The following C11orf65 variants were observed in gnomAD, a reference collection of about 807,000 sequenced individuals.
The protein encoded by C11orf65 is protein MFI.
C11orf65 carries 38 observed loss-of-function variants against 35.3 expected under a neutral mutation model. The observed-to-expected ratio is 1.08, with a 90% CI of 0.83 to 1.41. The LOEUF (loss-of-function observed/expected upper bound fraction) is 1.41, where lower values mean the gene tolerates loss of function less well. C11orf65 is among the 40% of genes most tolerant of loss of function. The probability of loss-of-function intolerance (pLI) is 0.00; values close to 1 mark genes in which losing one functional copy is unlikely to be tolerated. For synonymous variants in C11orf65, 105 were observed against 114.4 expected, an observed-to-expected ratio of 0.92 and a Z score of 0.53; for missense variants, 370 against 367.1, an observed-to-expected ratio of 1.01 and a Z score of -0.06.
At position 108,375,726 on chromosome 11, in the gene C11orf65, G is replaced by C. The variant is rs549296658; in HGVS notation, c.226+17482C>G. Reference sequence around the variant, plus strand: ...AAGAGTCAAGACCCGTCAGTGTGCTGTATTCAGGAAACCCATCTCACGTGC... The same window carrying C: ...AAGAGTCAAGACCCGTCAGTGTGCTCTATTCAGGAAACCCATCTCACGTGC... On this transcript the variant is annotated intron_variant, in intron 2 of 3. Transcript: ENST00000524755. Among the ~76,000 whole-genome samples the C allele has an allele frequency of 9.0e-4, 137 of 152,254 alleles. 1 individual carries two copies. The highest frequency in any genetic ancestry group is 2.0e-3 in the African/African-American group (85 of 41,546).
At chr11:108,358,753 T>G (rs1209741388) in intron 2 of C11orf65, among the ~76,000 whole-genome samples, 2 of 147,442 alleles carry the variant, frequency 1.4e-5, no homozygotes, top group African/African-American at 5.0e-5. Context: ...GCTGAGAGAT[T>G]TTGTCACCAC....
downstream of C11orf65, chr11:108,330,095 G>T: frequency 9.7e-7 from 1 of 1,030,968 alleles, no homozygotes; most frequent in Non-Finnish European, 1.5e-6. Flanking sequence ...TTAGAAGTTT[G>T]CTTTTTTCCC....
downstream of C11orf65, chr11:108,327,842 G>A: frequency 9.5e-7 from 1 of 1,055,506 alleles, no homozygotes; most frequent in Non-Finnish European, 1.4e-6. Context: ...TATTTCCAAA[G>A]CAAATAAAAG....
rs774118570 is a variant in C11orf65 at position 108,332,840 on chromosome 11, C to A, written c.300-1273G>T. The A allele has an allele frequency of 6.2e-7, 1 of 1,613,120 alleles. No individual in the cohort carries two copies. ...TCAGATGGTCAGAAGTGTTGAGGCACTTTGTGATGCTTATATTATATTAGC... is the reference window on the plus strand; with the variant it reads ...TCAGATGGTCAGAAGTGTTGAGGCAATTTGTGATGCTTATATTATATTAGC... On this transcript the variant is annotated intron_variant, in intron 3 of 3. Transcript: ENST00000524755.
chr11:108,364,978 A>C, intron 2 of C11orf65: 1 of 1,339,344 alleles, frequency 7.5e-7, no homozygotes, highest in Non-Finnish European at 1.0e-6. Context: ...TCCCCCATCA[A>C]CTACCATGTG....
chr11:108,368,682 A>G (rs1015132568), intron 2 of C11orf65: 1 of 217,586 alleles, frequency 4.6e-6, no homozygotes. Context: ...GAAGCTAATA[A>G]ATTATAGACT....
chr11:108,375,089 C>G (rs2091686175), intron 2 of C11orf65, among the ~76,000 whole-genome samples: 2 of 152,046 alleles, frequency 1.3e-5, no homozygotes, highest in Admixed American at 1.3e-4. Flanking sequence ...GAGAACTTCC[C>G]CAATCTAGCA....
chr11:108,315,789 C>G, intron 6 of C11orf65: 1 of 1,547,762 alleles, frequency 6.5e-7, no homozygotes, highest in South Asian at 1.1e-5. Context: ...GATTTTTTTT[C>G]CTTCTTCAAT....
upstream of C11orf65, among the ~76,000 whole-genome samples, chr11:108,468,031 C>T (rs987423795): frequency 3.3e-5 from 5 of 152,028 alleles, no homozygotes; most frequent in Non-Finnish European, 5.9e-5. Flanking sequence ...AGGGTTTCTC[C>T]ATGTTGTCCA....
At chr11:108,425,174 A>G (rs986856545) in intron 3 of C11orf65, among the ~76,000 whole-genome samples, 2 of 152,028 alleles carry the variant, frequency 1.3e-5, no homozygotes, top group African/African-American at 2.4e-5. Flanking sequence ...ACTGAAGGAG[A>G]TAAGAGACAC....
chr11:108,386,236 C>T (rs944030956), intron 7 of C11orf65, among the ~76,000 whole-genome samples: 1 of 152,144 alleles, frequency 6.6e-6, no homozygotes, highest in African/African-American at 2.4e-5. Flanking sequence ...TCTAGCATGC[C>T]CCCTCATTTT....
chr11:108,417,977 A>G (rs1465099129), intron 3 of C11orf65, among the ~76,000 whole-genome samples: 5 of 152,190 alleles, frequency 3.3e-5, no homozygotes, highest in African/African-American at 4.8e-5. Flanking sequence ...TAAAAAAAAA[A>G]AAAGAGACAG....
At position 108,383,168 on chromosome 11, in the gene C11orf65, C is replaced by A; in HGVS notation, c.795G>T (p.Arg265Ser). ...ATATGTTTTTCTGTGCTTGATTAAA[C>A]CTGAATCCTAAAGAGAAGTGACAAA... is the stretch of plus-strand genomic sequence containing the variant. ...SNSSANFKGF[R>S]FNQAQKNIYN... The change falls in exon 9 of 9, where the codon AGG (arginine) becomes AGT (serine). Residue 265 changes from arginine to serine, a missense_variant. Physicochemically the swap from Arg to Ser is moderately radical, Grantham distance 110 (BLOSUM62 -1). Coordinates refer to ENST00000393084, the MANE Select transcript of C11orf65 (RefSeq NM_152587.5). The A allele has an allele frequency of 6.3e-7, 1 of 1,586,372 alleles. No individual in the cohort carries two copies. Among genetic ancestry groups the A allele is most frequent in the South Asian group, 1.2e-5 (1 of 85,984 alleles).
chr11:108,359,765 C>T (rs1183661896), intron 2 of C11orf65, among the ~76,000 whole-genome samples: 1 of 151,946 alleles, frequency 6.6e-6, no homozygotes, highest in South Asian at 2.1e-4. Context: ...AAAGACACAA[C>T]GTACCAGAAT....
intron 2 of C11orf65, among the ~76,000 whole-genome samples, chr11:108,376,078 G>A (rs1311118797): frequency 2.8e-4 from 43 of 152,094 alleles, no homozygotes; most frequent in African/African-American, 9.2e-4. Flanking sequence ...ACAGATCAAC[G>A]AGACAAAAAG....
Position 108,461,413 on chromosome 11 carries a change from G to A in C11orf65, c.81+66C>T, listed in dbSNP as rs915431231. 3.2e-6 allele frequency: 4 copies of A among 1,252,908 alleles called. No individual in the cohort carries two copies. The African/African-American group carries it at 6.1e-5, about 19-fold the overall frequency. 77.6% of individuals were successfully genotyped at this position (1,252,908 alleles called of 1,614,324 possible). ...AGATTCTGTCTTAAAAAAAAAAATT[G>A]AACTGTACACTTTAAATTTTATGAC... On this transcript the variant is annotated intron_variant, in intron 2 of 8. Coordinates refer to ENST00000393084, the MANE Select transcript of C11orf65 (RefSeq NM_152587.5).
chr11:108,396,834 AAAATAAATAAATAAAT>A (rs370728924), intron 6 of C11orf65, among the ~76,000 whole-genome samples: 14 of 137,396 alleles, frequency 1.0e-4, no homozygotes, highest in African/African-American at 2.4e-4. Context: ...ACTCCGTCTT[AAAATAAATAAATAAAT>A]AAATAAATAA....
At chr11:108,441,389 C>A (rs947977952) in intron 2 of C11orf65, among the ~76,000 whole-genome samples, 4 of 152,246 alleles carry the variant, frequency 2.6e-5, no homozygotes, top group African/African-American at 7.2e-5. Flanking sequence ...GACTCCACCT[C>A]TGGGGGCAGG....
intron 3 of C11orf65, among the ~76,000 whole-genome samples, chr11:108,413,782 A>G (rs770304457): frequency 3.3e-5 from 5 of 152,184 alleles, no homozygotes; most frequent in Non-Finnish European, 7.4e-5. Context: ...GAAAACCCCA[A>G]AACTTGAAAA....
Sources: allele counts gnomAD v4.1 joint callset (sites outside exome capture counted in the v4.1 genomes callset), GRCh38; gene constraint gnomAD v4.1.1; transcripts MANE v1.5; gene names NCBI Gene and HGNC (gene_info 2026-07-23, HGNC 2026-07-21).